Variants in OR56B2 observed in about 807,000 individuals in gnomAD.
OR56B2 encodes the protein olfactory receptor 56B2.
At chr11:5,765,323 G>A in the OR56B2 span, 1 of 141,480 alleles carries the variant, frequency 7.1e-6, no homozygotes, top group East Asian at 2.1e-4. Context: ...TCTTGGCTAT[G>A]GCAGACATAG....
the OR56B2 span, among the ~76,000 whole-genome samples, chr11:5,763,693 T>C: frequency 2.1e-5 from 3 of 140,572 alleles, 1 homozygote; most frequent in Admixed American, 2.2e-4. Context: ...ATAAAACTGC[T>C]TATTTCTGCT....
chr11:5,767,928 A>T, the OR56B2 span, among the ~76,000 whole-genome samples: 5 of 139,716 alleles, frequency 3.6e-5, 1 homozygote, highest in Non-Finnish European at 7.9e-5. Context: ...ATAATGAGAG[A>T]CTAACTAATA....
At chr11:5,767,315 C>T in the OR56B2 span, 1 of 138,930 alleles carries the variant, frequency 7.2e-6, no homozygotes, top group African/African-American at 2.6e-5. Context: ...AGGAATCCAT[C>T]CCCAGGACCC....
the OR56B2 span, chr11:5,761,288 A>C: frequency 6.6e-6 from 1 of 152,116 alleles, no homozygotes; most frequent in Non-Finnish European, 1.5e-5. Context: ...CTTCGCGGAG[A>C]TTTGGGAATG....
chr11:5,763,186 A>G, the OR56B2 span, among the ~76,000 whole-genome samples: 1 of 152,118 alleles, frequency 6.6e-6, no homozygotes, highest in African/African-American at 2.4e-5. Context: ...CATGTTTTAT[A>G]ATATGTATAA....
At chr11:5,762,377 AT>A in the OR56B2 span, among the ~76,000 whole-genome samples, 7 of 152,242 alleles carry the variant, frequency 4.6e-5, no homozygotes, top group African/African-American at 1.7e-4. Context: ...TTTTCTAAAT[AT>A]ATGAATGTCA....
the OR56B2 span, among the ~76,000 whole-genome samples, chr11:5,764,080 A>G: frequency 1.4e-5 from 2 of 140,962 alleles, 1 homozygote; most frequent in African/African-American, 5.2e-5. Context: ...TTTTGCCTTT[A>G]TATTGTATCC....
the OR56B2 span, among the ~76,000 whole-genome samples, chr11:5,762,765 G>GA: frequency 2.0e-5 from 3 of 151,776 alleles, no homozygotes; most frequent in East Asian, 1.9e-4. Context: ...AATAATTCAA[G>GA]AAAAAATCTA....
chr11:5,764,396 A>G, the OR56B2 span, among the ~76,000 whole-genome samples: 1 of 140,648 alleles, frequency 7.1e-6, no homozygotes, highest in Admixed American at 7.3e-5. Flanking sequence ...AAATATACGC[A>G]AGTAGAAATA....
the OR56B2 span, among the ~76,000 whole-genome samples, chr11:5,763,883 A>G: frequency 3.6e-5 from 5 of 140,076 alleles, no homozygotes; most frequent in African/African-American, 1.3e-4. Flanking sequence ...TAGACACAAT[A>G]CAGTATTCCC....
At chr11:5,768,721 A>G in the OR56B2 span, among the ~76,000 whole-genome samples, 1 of 139,998 alleles carries the variant, frequency 7.1e-6, no homozygotes, top group East Asian at 2.0e-4. Flanking sequence ...CTACATGTAT[A>G]TTTGTTATAT....
the OR56B2 span, among the ~76,000 whole-genome samples, chr11:5,768,263 A>G: frequency 7.5e-6 from 1 of 133,768 alleles, no homozygotes; most frequent in Non-Finnish European, 1.6e-5. Context: ...TCTATTTCAC[A>G]CTCTATGCCT....
At chr11:5,762,231 C>A in the OR56B2 span, among the ~76,000 whole-genome samples, 1 of 151,832 alleles carries the variant, frequency 6.6e-6, no homozygotes, top group Non-Finnish European at 1.5e-5. Context: ...ATCTATTGAA[C>A]AGTGGACCCT....
chr11:5,762,199 C>T, the OR56B2 span, among the ~76,000 whole-genome samples: 1 of 146,724 alleles, frequency 6.8e-6, no homozygotes, highest in South Asian at 2.2e-4. Context: ...ATAGATGCCA[C>T]ATGTATTTTT....
At chr11:5,763,713 A>G in the OR56B2 span, among the ~76,000 whole-genome samples, 1 of 140,578 alleles carries the variant, frequency 7.1e-6, no homozygotes, top group Non-Finnish European at 1.6e-5. Flanking sequence ...TTCAGTATTC[A>G]TTCACATAAT....
At chr11:5,764,444 A>G in the OR56B2 span, among the ~76,000 whole-genome samples, 6 of 141,242 alleles carry the variant, frequency 4.2e-5, no homozygotes, top group East Asian at 1.0e-3. Context: ...TTTACAGAAC[A>G]CTGGTATTTC....
the OR56B2 span, among the ~76,000 whole-genome samples, chr11:5,761,530 A>C: frequency 6.6e-6 from 1 of 150,762 alleles, no homozygotes; most frequent in Non-Finnish European, 1.5e-5. Flanking sequence ...TTGTTTATTT[A>C]TTGTTTTGGC....
the OR56B2 span, among the ~76,000 whole-genome samples, chr11:5,767,754 C>T: frequency 7.2e-6 from 1 of 139,414 alleles, no homozygotes; most frequent in Admixed American, 7.4e-5. Flanking sequence ...GTACAATCTG[C>T]AGCATACATG....
the OR56B2 span, chr11:5,765,922 T>C: frequency 2.1e-5 from 3 of 139,620 alleles, 1 homozygote; most frequent in Admixed American, 7.4e-5. Flanking sequence ...GGAATGAGAG[T>C]TCCCCTTATT....
Sources: allele counts gnomAD v4.1 joint callset (sites outside exome capture counted in the v4.1 genomes callset), GRCh38; gene constraint gnomAD v4.1.1; transcripts MANE v1.5; gene names NCBI Gene and HGNC (gene_info 2026-07-23, HGNC 2026-07-21).